The following FGF13 variants were observed in gnomAD, a reference collection of about 807,000 sequenced individuals.
FGF13 encodes the protein fibroblast growth factor 13, also known as fibroblast growth factor homologous factor 2.
In FGF13, 2 loss-of-function variants were observed where a neutral mutation model predicts 19.5. That is an observed-to-expected ratio of 0.10 (90% CI 0.04 to 0.32). The LOEUF is 0.32. FGF13 is among the 10% of genes least tolerant of loss of function. FGF13 has a pLI of 1.00. For missense variants in FGF13, 113 were observed against 192.7 expected, an observed-to-expected ratio of 0.59 and a Z score of 2.45; for synonymous variants, 72 against 76.9, an observed-to-expected ratio of 0.94 and a Z score of 0.33.
At chrX:139,032,714 G>GA (rs1422089157) in intron 1 of FGF13, among the ~76,000 whole-genome samples, 2 of 110,452 alleles carry the variant, frequency 1.8e-5, no homozygotes, top group Non-Finnish European at 3.8e-5. Context: ...TAGAAGCAAG[G>GA]AAAAACCAAT....
At chrX:138,934,688 C>T (rs1174417589) in intron 1 of FGF13, among the ~76,000 whole-genome samples, 1 of 112,176 alleles carries the variant, frequency 8.9e-6, no homozygotes, top group Non-Finnish European at 1.9e-5. Flanking sequence ...AAAACATATG[C>T]TCTAATGGGA....
At chrX:139,023,907 A>C (rs2092189668) in intron 1 of FGF13, among the ~76,000 whole-genome samples, 2 of 111,497 alleles carry the variant, frequency 1.8e-5, no homozygotes, top group South Asian at 7.4e-4. Flanking sequence ...CTTTTTCTAT[A>C]TTTTTAATAT....
chrX:138,873,774 C>A (rs1224366590), intron 1 of FGF13, among the ~76,000 whole-genome samples: 1 of 110,874 alleles, frequency 9.0e-6, no homozygotes, highest in Non-Finnish European at 1.9e-5. Context: ...CATTTCCCGA[C>A]TGGATTAAGA....
intron 1 of FGF13, among the ~76,000 whole-genome samples, chrX:139,107,336 A>G (rs2083567766): frequency 8.9e-6 from 1 of 112,099 alleles, no homozygotes; most frequent in South Asian, 3.8e-4. Flanking sequence ...TCATGAATAC[A>G]CTACATGCAA....
At chrX:138,916,432 T>G (rs1410944653) in intron 1 of FGF13, among the ~76,000 whole-genome samples, 1 of 111,809 alleles carries the variant, frequency 8.9e-6, no homozygotes, top group African/African-American at 3.3e-5. Flanking sequence ...TGTCTGATTA[T>G]GATGCAAAGA....
At chrX:139,191,801 GA>G (rs1442566409) in intron 1 of FGF13, among the ~76,000 whole-genome samples, 2 of 111,612 alleles carry the variant, frequency 1.8e-5, no homozygotes, top group African/African-American at 6.5e-5. Flanking sequence ...GACTGGCAGA[GA>G]AATGTCTTGG....
At chrX:138,643,459 T>C (rs1041570438) in intron 3 of FGF13, among the ~76,000 whole-genome samples, 2 of 112,045 alleles carry the variant, frequency 1.8e-5, no homozygotes, top group Non-Finnish European at 3.8e-5. Context: ...CATTTTGACA[T>C]GGAAGTAGCT....
intron 1 of FGF13, among the ~76,000 whole-genome samples, chrX:139,202,154 A>G (rs2084420399): frequency 8.9e-6 from 1 of 111,854 alleles, no homozygotes; most frequent in Non-Finnish European, 1.9e-5. Context: ...CAGAACAGAA[A>G]CTCATTTTCT....
intron 1 of FGF13, among the ~76,000 whole-genome samples, chrX:139,122,527 GT>G (rs896769328): frequency 2.7e-5 from 3 of 111,620 alleles, no homozygotes; most frequent in Non-Finnish European, 5.6e-5. Context: ...CAACCTTTCT[GT>G]GGCATTTGAC....
intron 1 of FGF13, among the ~76,000 whole-genome samples, chrX:139,171,173 G>A (rs750844614): frequency 1.5e-3 from 164 of 108,809 alleles, no homozygotes; most frequent in African/African-American, 5.3e-3. Flanking sequence ...AGCAAGTAAG[G>A]TTGTGCCCTA....
At chrX:138,695,282 C>A (rs903193539) in intron 3 of FGF13, among the ~76,000 whole-genome samples, 1 of 111,320 alleles carries the variant, frequency 9.0e-6, no homozygotes, top group African/African-American at 3.3e-5. Context: ...CTCTTGTCTT[C>A]AAAAATTCTA....
In FGF13 at chrX:138,614,967, C is replaced by A. The variant is rs1370275016; in HGVS notation, c.*17883G>T. The A allele has an allele frequency of 1.8e-5, 2 of 111,912 alleles. No individual in the cohort carries two copies. Among genetic ancestry groups the A allele is most frequent in the Non-Finnish European group, 3.8e-5 (2 of 53,155 alleles). The allele number at this position is 111,912 out of a possible 1,213,427, so 9.2% of individuals were successfully genotyped here. ...ATACTGTATGATGACATTTATATAACAATTCTGAAATAATAAAATTATAAG... is the reference window on the plus strand; with the variant it reads ...ATACTGTATGATGACATTTATATAAAAATTCTGAAATAATAAAATTATAAG... On this transcript the variant is annotated 3_prime_UTR_variant, in exon 5 of 5. Coordinates refer to ENST00000315930, the MANE Select transcript of FGF13 (RefSeq NM_004114.5).
intron 3 of FGF13, among the ~76,000 whole-genome samples, chrX:138,768,137 A>T (rs1386544761): frequency 8.9e-6 from 1 of 112,207 alleles, no homozygotes; most frequent in African/African-American, 3.2e-5. Flanking sequence ...AGCCATCATC[A>T]TGGGCTCCCC....
intron 1 of FGF13, among the ~76,000 whole-genome samples, chrX:138,947,851 T>C (rs1317160206): frequency 3.6e-5 from 4 of 111,359 alleles, no homozygotes; most frequent in Non-Finnish European, 7.5e-5. Context: ...AATGAGGCCA[T>C]ATGTGGGTGG....
At chrX:138,844,705 C>T (rs1349403161) in intron 3 of FGF13, among the ~76,000 whole-genome samples, 1 of 111,125 alleles carries the variant, frequency 9.0e-6, no homozygotes, top group Non-Finnish European at 1.9e-5. Flanking sequence ...CTTCTGGAGT[C>T]CTTTCTTCTC....
chrX:138,779,636 C>T lies in FGF13; in HGVS notation c.218-70708G>A, dbSNP rs747836959. Among the ~76,000 whole-genome samples, 9 of 111,118 alleles carry T rather than the reference C, an allele frequency of 8.1e-5. No individual in the cohort carries two copies. The South Asian group carries it at 2.7e-3, about 34-fold the overall frequency. On this transcript the variant is annotated intron_variant, in intron 3 of 6. Coordinates refer to the FGF13 transcript ENST00000436198. ...AGAAAAAAGAATAAAAAGAAACAAA[C>T]AAAGCCTCCAAGAAATATGGGACTA...
At position 138,999,491 on chromosome X, in the gene FGF13, T is replaced by C. The variant is rs188601884; in HGVS notation, c.-112-134841A>G. ...AGAATCAAGTAGACGCAATAAAAAA[T>C]GATAAAGGGGATATCATCACCAATC... On this transcript the variant is annotated intron_variant, in intron 1 of 2. Coordinates refer to the FGF13 transcript ENST00000421460. 1.8e-4 allele frequency among the ~76,000 whole-genome samples: 20 copies of C among 111,387 alleles called. No individual in the cohort carries two copies. The East Asian group carries it at 2.0e-3, about 11-fold the overall frequency.
At chrX:138,789,276 C>A (rs2090719613) in intron 3 of FGF13, among the ~76,000 whole-genome samples, 1 of 110,136 alleles carries the variant, frequency 9.1e-6, no homozygotes, top group African/African-American at 3.3e-5. Context: ...TCAAGCGATT[C>A]TGCTGCCTCA....
intron 1 of FGF13, among the ~76,000 whole-genome samples, chrX:139,040,024 G>A (rs2092263847): frequency 8.9e-6 from 1 of 112,081 alleles, no homozygotes; most frequent in Non-Finnish European, 1.9e-5. Context: ...TTAATAGTAT[G>A]GCCTGAGAGA....
Sources: gnomAD v4.1 joint callset for allele counts (sites outside exome capture counted in the v4.1 genomes callset) on GRCh38, gnomAD v4.1.1 for gene constraint, MANE v1.5 for transcripts, NCBI Gene and HGNC (gene_info 2026-07-23, HGNC 2026-07-21) for gene names.